Variants in PLXNA2 observed in about 807,000 individuals in gnomAD.
PLXNA2 encodes plexin A2.
PLXNA2 carries 91 observed loss-of-function variants against 193.5 expected under a neutral mutation model. The observed-to-expected ratio is 0.47, with a 90% CI of 0.40 to 0.56. The LOEUF (loss-of-function observed/expected upper bound fraction) is 0.56. Ranked by LOEUF, PLXNA2 falls within the 20% of genes least tolerant of loss-of-function variation. The pLI, the probability that PLXNA2 is intolerant of heterozygous loss-of-function variation, is 0.00. For synonymous variants in PLXNA2, 997 were observed against 1,027.3 expected, an observed-to-expected ratio of 0.97 and a Z score of 0.56; for missense variants, 1,995 against 2,503.2, an observed-to-expected ratio of 0.80 and a Z score of 4.33.
chr1:208,183,847 T>G (rs1216887940), intron 3 of PLXNA2, among the ~76,000 whole-genome samples: 1 of 152,188 alleles, frequency 6.6e-6, no homozygotes, highest in Non-Finnish European at 1.5e-5. Context: ...CATGGTACCC[T>G]AGACTTCTAA....
At chr1:208,211,579 G>C (rs1670951773) in intron 2 of PLXNA2, among the ~76,000 whole-genome samples, 1 of 152,026 alleles carries the variant, frequency 6.6e-6, no homozygotes, top group South Asian at 2.1e-4. Flanking sequence ...TGTAGTCCCA[G>C]CTACTTGGGA....
intron 5 of PLXNA2, among the ~76,000 whole-genome samples, chr1:208,100,021 C>T (rs765022817): frequency 6.6e-6 from 1 of 151,976 alleles, no homozygotes; most frequent in African/African-American, 2.4e-5. Flanking sequence ...CTACTAGCTG[C>T]GACCCCTTGG....
chr1:208,223,179 C>T (rs1671395979), intron 1 of PLXNA2, among the ~76,000 whole-genome samples: 1 of 75,504 alleles, frequency 1.3e-5, no homozygotes, highest in African/African-American at 4.8e-5. Flanking sequence ...ATGAGTAGTG[C>T]CTTTAAAGCA....
At chr1:208,212,136 A>G (rs1327488454) in intron 2 of PLXNA2, among the ~76,000 whole-genome samples, 2 of 151,792 alleles carry the variant, frequency 1.3e-5, no homozygotes, top group Non-Finnish European at 2.9e-5. Flanking sequence ...AATCATAGAA[A>G]GCAGCAGAAC....
In PLXNA2 at chr1:208,236,769, C is replaced by T. The variant is rs577460996; in HGVS notation, c.-81+6874G>A. 6.6e-6 allele frequency among the ~76,000 whole-genome samples: 1 copy of T among 152,328 alleles called. No homozygotes were observed. The highest frequency in any genetic ancestry group is 2.4e-5 in the African/African-American group (1 of 41,582). On this transcript the variant is annotated intron_variant, in intron 1 of 31. Coordinates refer to ENST00000367033, the MANE Select transcript of PLXNA2 (RefSeq NM_025179.4). The surrounding 1 kb of genome is among the most constrained non-coding windows in gnomAD (Gnocchi z 4.4). ...TAGGAAAGGCTCTAGAGACTGGAATCTAGTGGTTCTTTACATTGTGGAGGG... is the reference window on the plus strand; with the variant it reads ...TAGGAAAGGCTCTAGAGACTGGAATTTAGTGGTTCTTTACATTGTGGAGGG...
chr1:208,140,153 A>T (rs1384301778), intron 4 of PLXNA2, among the ~76,000 whole-genome samples: 1 of 152,082 alleles, frequency 6.6e-6, no homozygotes, highest in Non-Finnish European at 1.5e-5. Flanking sequence ...GGGACAGAGG[A>T]GGGGTATTTA....
chr1:208,195,614 T>C (rs1670331371), intron 3 of PLXNA2, among the ~76,000 whole-genome samples: 1 of 151,006 alleles, frequency 6.6e-6, no homozygotes, highest in Non-Finnish European at 1.5e-5. Flanking sequence ...TGTGAAGCTT[T>C]TTCCAGAAAT....
intron 3 of PLXNA2, among the ~76,000 whole-genome samples, chr1:208,151,961 G>T (rs778226813): frequency 1.3e-5 from 2 of 152,210 alleles, no homozygotes; most frequent in Non-Finnish European, 2.9e-5. Context: ...GAACAAAATA[G>T]ATCATATAGC....
chr1:208,098,456 T>TCACACA (rs1214971611), intron 6 of PLXNA2, among the ~76,000 whole-genome samples: 4,114 of 108,862 alleles, frequency 0.038, 92 homozygotes, highest in Middle Eastern at 0.056. Flanking sequence ...TCTCTCTCTC[T>TCACACA]CTCACACACA....
chr1:208,126,151 G>T (rs1667969747), intron 4 of PLXNA2, among the ~76,000 whole-genome samples: 1 of 152,168 alleles, frequency 6.6e-6, no homozygotes, highest in Non-Finnish European at 1.5e-5. Context: ...TTGAAAAAAG[G>T]CCCACGACCA....
chr1:208,194,844 T>C (rs184510724), intron 3 of PLXNA2, among the ~76,000 whole-genome samples: 66 of 152,338 alleles, frequency 4.3e-4, no homozygotes, highest in Middle Eastern at 3.4e-3. Context: ...GGTTTTCTTT[T>C]CCCAAGGGCA....
rs1188054895 is a variant in PLXNA2 at position 208,027,357 on chromosome 1, G to A, written c.5590-19C>T. ...CGATGAGCTGAGGAGCAAAAACAAAGGCAGGAAGACTTCAGGACTCAGAAT... is the reference window on the plus strand; with the variant it reads ...CGATGAGCTGAGGAGCAAAAACAAAAGCAGGAAGACTTCAGGACTCAGAAT... On this transcript the variant is annotated intron_variant, in intron 31 of 31. Coordinates refer to ENST00000367033, the MANE Select transcript of PLXNA2 (RefSeq NM_025179.4). 1.9e-6 allele frequency: 3 copies of A among 1,606,206 alleles called. No homozygotes were observed. In the East Asian group the frequency reaches 6.7e-5, roughly 36 times the overall value.
intron 4 of PLXNA2, among the ~76,000 whole-genome samples, chr1:208,136,509 A>G (rs1020074112): frequency 2.0e-5 from 3 of 152,202 alleles, no homozygotes; most frequent in African/African-American, 7.2e-5. Context: ...GTGTCCATGC[A>G]TGCAGCCCCA....
At chr1:208,220,628 A>G (rs1174911305) in intron 1 of PLXNA2, among the ~76,000 whole-genome samples, 4 of 150,436 alleles carry the variant, frequency 2.7e-5, no homozygotes, top group Non-Finnish European at 5.9e-5. Flanking sequence ...ATTTTTAGTA[A>G]AGACAGGGTT....
intron 3 of PLXNA2, among the ~76,000 whole-genome samples, chr1:208,152,744 T>C (rs1668809073): frequency 6.6e-6 from 1 of 151,360 alleles, no homozygotes; most frequent in Admixed American, 6.6e-5. Flanking sequence ...CCTTTAATAA[T>C]TTAGAAGAGT....
intron 1 of PLXNA2, among the ~76,000 whole-genome samples, chr1:208,218,584 A>C (rs1671222576): frequency 6.6e-6 from 1 of 152,184 alleles, no homozygotes; most frequent in Non-Finnish European, 1.5e-5. Flanking sequence ...GGTCACCCTG[A>C]GTGAGAGTGC....
At chr1:208,076,328 C>T (rs1252911342) in intron 12 of PLXNA2, among the ~76,000 whole-genome samples, 1 of 152,154 alleles carries the variant, frequency 6.6e-6, no homozygotes, top group African/African-American at 2.4e-5. Flanking sequence ...ATCCTCTCAG[C>T]TTCTGCTCCC....
intron 3 of PLXNA2, among the ~76,000 whole-genome samples, chr1:208,207,028 T>G (rs1174744648): frequency 6.6e-6 from 1 of 152,084 alleles, no homozygotes; most frequent in African/African-American, 2.4e-5. Context: ...GCTTTTGAGA[T>G]GGAGTCTCAC....
intron 3 of PLXNA2, among the ~76,000 whole-genome samples, chr1:208,147,886 G>A (rs148987898): frequency 2.0e-5 from 3 of 152,208 alleles, no homozygotes; most frequent in East Asian, 3.9e-4. Flanking sequence ...TATTTCCTGG[G>A]GACAACAGTA....
Sources: gnomAD v4.1 joint callset for allele counts (sites outside exome capture counted in the v4.1 genomes callset) on GRCh38, gnomAD v4.1.1 for gene constraint, Gnocchi (gnomAD v3.1) non-coding constraint, MANE v1.5 for transcripts, NCBI Gene and HGNC (gene_info 2026-07-23, HGNC 2026-07-21) for gene names.